DAB1: variants seen among roughly 807,000 people sequenced by gnomAD.
DAB1 encodes the protein DAB adaptor protein 1, also known as disabled homolog 1.
Under a neutral mutation model 64.6 loss-of-function variants are expected in DAB1, and 15 were observed. The ratio of observed to expected loss-of-function variants is 0.23; its 90% CI spans 0.16 to 0.36. DAB1 has a LOEUF of 0.36. Ranked by LOEUF, DAB1 falls within the 10% of genes least tolerant of loss-of-function variation. The probability of loss-of-function intolerance (pLI) is 1.00; values close to 1 mark genes in which losing one functional copy is unlikely to be tolerated. For synonymous variants in DAB1, 235 were observed against 251.9 expected, an observed-to-expected ratio of 0.93 and a Z score of 0.64; for missense variants, 596 against 706.7, an observed-to-expected ratio of 0.84 and a Z score of 1.78.
intron 3 of DAB1, among the ~76,000 whole-genome samples, chr1:58,408,115 G>T (rs114704463): frequency 6.6e-6 from 1 of 152,172 alleles, no homozygotes; most frequent in African/African-American, 2.4e-5. Context: ...CAGACCCACT[G>T]AATAGAAACT....
intron 4 of DAB1, among the ~76,000 whole-genome samples, chr1:57,114,196 T>C (rs888837719): frequency 2.0e-5 from 3 of 152,204 alleles, no homozygotes; most frequent in African/African-American, 7.2e-5. Flanking sequence ...TAGGTAGAAT[T>C]TGTTTGTGAA....
At chr1:57,414,485 C>T (rs1684346671) in intron 1 of DAB1, among the ~76,000 whole-genome samples, 1 of 152,172 alleles carries the variant, frequency 6.6e-6, no homozygotes, top group South Asian at 2.1e-4. Context: ...TAACAGACTA[C>T]AGTATAGTGT....
At chr1:57,167,814 T>C (rs1661346737) in intron 2 of DAB1, among the ~76,000 whole-genome samples, 1 of 152,192 alleles carries the variant, frequency 6.6e-6, no homozygotes, top group African/African-American at 2.4e-5. Flanking sequence ...GCCACAGCAC[T>C]CAGCATATTG....
At chr1:57,595,359 C>G (rs1645495960) in intron 7 of DAB1, among the ~76,000 whole-genome samples, 1 of 151,724 alleles carries the variant, frequency 6.6e-6, no homozygotes. Flanking sequence ...TTTGGGCCCC[C>G]AAATCTCTCA....
At chr1:57,459,260 T>C (rs552578280) in intron 7 of DAB1, among the ~76,000 whole-genome samples, 9 of 152,168 alleles carry the variant, frequency 5.9e-5, no homozygotes, top group Non-Finnish European at 1.3e-4. Context: ...GTATCACCAA[T>C]ACTCAAAGCA....
chr1:57,939,861 A>G (rs1645078063), intron 5 of DAB1, among the ~76,000 whole-genome samples: 1 of 152,216 alleles, frequency 6.6e-6, no homozygotes, highest in South Asian at 2.1e-4. Context: ...CTGTATTCTT[A>G]CCACTGCTCT....
intron 6 of DAB1, among the ~76,000 whole-genome samples, chr1:57,776,302 A>T (rs1205417926): frequency 6.7e-6 from 1 of 149,288 alleles, no homozygotes; most frequent in South Asian, 2.1e-4. Flanking sequence ...CAAAAAAAAA[A>T]TCAGAAATCT....
intron 1 of DAB1, among the ~76,000 whole-genome samples, chr1:57,397,909 C>G (rs1057170388): frequency 2.0e-5 from 3 of 152,182 alleles, no homozygotes; most frequent in Admixed American, 2.0e-4. Flanking sequence ...TTAAATTTTA[C>G]CCTGTTTAAC....
intron 6 of DAB1, among the ~76,000 whole-genome samples, chr1:57,684,917 T>C (rs1383439899): frequency 4.0e-5 from 6 of 151,266 alleles, no homozygotes; most frequent in Non-Finnish European, 5.9e-5. Flanking sequence ...ACTATGCAAA[T>C]GGAAAACAAA....
At chr1:58,267,679 T>C (rs1661204605) in intron 4 of DAB1, among the ~76,000 whole-genome samples, 1 of 152,274 alleles carries the variant, frequency 6.6e-6, no homozygotes, top group South Asian at 2.1e-4. Context: ...TGAGCGAACA[T>C]CAGTATATGT....
At chr1:57,021,695 A>G (rs1276886466) in intron 11 of DAB1, among the ~76,000 whole-genome samples, 1 of 152,208 alleles carries the variant, frequency 6.6e-6, no homozygotes, top group Non-Finnish European at 1.5e-5. Context: ...AGAATGGACT[A>G]ATACACCCAG....
rs150465461 is a variant in DAB1, at chr1:57,436,653, T to A, written n.626-145487A>T. Among the ~76,000 whole-genome samples, 1,037 of 152,306 alleles carry A rather than the reference T, an allele frequency of 6.8e-3. 9 individuals are homozygous for A. Among genetic ancestry groups the A allele is most frequent in the African/African-American group, 0.01 (430 of 41,568 alleles). ...CCTTTAAATTCCATTAATGCGAGAA[T>A]GGTTACACCAAGATGGATGCACCCT... On this transcript the variant is annotated intron_variant and non_coding_transcript_variant, in intron 7 of 20. Coordinates refer to the DAB1 transcript ENST00000485760.
At chr1:58,175,860 G>GGCTT (rs1410666646) in intron 4 of DAB1, among the ~76,000 whole-genome samples, 2 of 152,122 alleles carry the variant, frequency 1.3e-5, no homozygotes, top group East Asian at 3.9e-4. Flanking sequence ...GGTGATCAGA[G>GGCTT]GCTTGATCAC....
At chr1:57,013,255 A>G (rs892370998) in intron 12 of DAB1, among the ~76,000 whole-genome samples, 6 of 152,196 alleles carry the variant, frequency 3.9e-5, no homozygotes, top group Non-Finnish European at 8.8e-5. Flanking sequence ...AATGCCTCTC[A>G]TGTCCCAGGC....
intron 7 of DAB1, among the ~76,000 whole-genome samples, chr1:57,616,036 G>C (rs967632012): frequency 6.6e-6 from 1 of 152,192 alleles, no homozygotes; most frequent in South Asian, 2.1e-4. Flanking sequence ...AATGGAGTGT[G>C]TCTGAGGGAA....
rs1349252687 is a variant in DAB1, at chr1:58,044,739, G to A, written n.387+105772C>T. On this transcript the variant is annotated intron_variant and non_coding_transcript_variant, in intron 5 of 20. Transcript: ENST00000485760. ...CCCTGTTTCAATATCTGTCGATTAG[G>A]GATAAGAGTAATATTTACATGCAGA... Among the ~76,000 whole-genome samples, 4 of 152,052 alleles carry A rather than the reference G, an allele frequency of 2.6e-5. No individual in the cohort carries two copies. In the East Asian group the frequency reaches 7.7e-4, roughly 29 times the overall value.
At chr1:57,667,832 C>T (rs1646466476) in intron 6 of DAB1, among the ~76,000 whole-genome samples, 1 of 151,958 alleles carries the variant, frequency 6.6e-6, no homozygotes, top group Admixed American at 6.6e-5. Flanking sequence ...ACAATGAGAA[C>T]ACATGGACAC....
At chr1:58,063,036 T>A (rs932335310) in intron 5 of DAB1, among the ~76,000 whole-genome samples, 9 of 152,212 alleles carry the variant, frequency 5.9e-5, no homozygotes, top group African/African-American at 2.2e-4. Context: ...TGCAAAGCAC[T>A]CAGCTAGGCA....
intron 5 of DAB1, among the ~76,000 whole-genome samples, chr1:57,976,944 C>T (rs895060843): frequency 6.6e-6 from 1 of 152,276 alleles, no homozygotes; most frequent in South Asian, 2.1e-4. Context: ...ATCTGGATTA[C>T]CACAATAAGA....
Sources: allele counts gnomAD v4.1 joint callset (sites outside exome capture counted in the v4.1 genomes callset), GRCh38; gene constraint gnomAD v4.1.1; transcripts MANE v1.5; gene names NCBI Gene and HGNC (gene_info 2026-07-23, HGNC 2026-07-21).